Variants in ITIH2 observed in about 807,000 individuals in gnomAD.
ITIH2 encodes the protein inter-alpha-trypsin inhibitor heavy chain 2.
In ITIH2, 103 loss-of-function variants were observed where a neutral mutation model predicts 104.4. The observed-to-expected ratio is 0.99, with a 90% confidence interval of 0.84 to 1.16. The LOEUF (loss-of-function observed/expected upper bound fraction) is 1.16, where lower values mean the gene tolerates loss of function less well. Among genes scored for constraint, ITIH2 ranks in the 50% most tolerant of loss-of-function variants. The probability of loss-of-function intolerance (pLI) is 0.00; values close to 1 mark genes in which losing one functional copy is unlikely to be tolerated. For synonymous variants in ITIH2, 436 were observed against 435.4 expected (o/e 1.00, Z -0.02); for missense variants, 1,108 against 1,162.4 (o/e 0.95, Z 0.68).
intron 19 of ITIH2, among the ~76,000 whole-genome samples, chr10:7,745,284 G>A (rs1391054824): frequency 6.6e-6 from 1 of 152,146 alleles, no homozygotes; most frequent in African/African-American, 2.4e-5. Flanking sequence ...ATAACAAGCA[G>A]AACACTCTGG....
At chr10:7,723,685 G>A (rs1222213494) in intron 9 of ITIH2, 118 bp downstream of exon 9, 2 of 715,314 alleles carry the variant, frequency 2.8e-6, no homozygotes, top group African/African-American at 3.5e-5. Flanking sequence ...AGGGACTGTG[G>A]TTACAGACTG....
intron 14 of ITIH2, among the ~76,000 whole-genome samples, 163 bp downstream of exon 14, chr10:7,732,640 C>T (rs1835014806): frequency 6.6e-6 from 1 of 152,196 alleles, no homozygotes; most frequent in African/African-American, 2.4e-5. Flanking sequence ...TCAGAGAAAG[C>T]TGGGTTCACT....
Position 7,713,301 on chromosome 10 carries a change from GCA to G in ITIH2, c.467+17_467+18del. 6.3e-7 allele frequency: 1 copy of G among 1,585,890 alleles called. No individual in the cohort carries two copies. The highest frequency in any genetic ancestry group is 1.1e-5 in the South Asian group (1 of 90,162). ...GCTTGGTGAGGTAAGGCCTGAGTGA[GCA>G]AGGCTTGCCCTTGCCTCTCAATGAC... is the stretch of plus-strand genomic sequence containing the variant. On this transcript the variant is annotated intron_variant, in intron 5 of 20. Transcript: ENST00000358415.
At chr10:7,728,246 C>T (rs1234065234) in intron 11 of ITIH2, among the ~76,000 whole-genome samples, 1 of 152,178 alleles carries the variant, frequency 6.6e-6, no homozygotes, top group Non-Finnish European at 1.5e-5. Context: ...CTATTATTCT[C>T]CACACTTCTC....
intron 6 of ITIH2, among the ~76,000 whole-genome samples, chr10:7,719,418 G>A (rs556109595): frequency 6.6e-6 from 1 of 152,308 alleles, no homozygotes; most frequent in South Asian, 2.1e-4. Flanking sequence ...ATGAGTGTCA[G>A]TAACCCACAT....
Position 7,734,961 on chromosome 10 carries a change from A to C in ITIH2, c.1827A>C (p.Thr609=), listed in dbSNP as rs1835038848. The C allele has an allele frequency of 6.2e-7, 1 of 1,613,690 alleles. No individual in the cohort carries two copies. The highest frequency in any genetic ancestry group is 8.5e-7 in the Non-Finnish European group (1 of 1,179,986). Reference sequence around the variant, plus strand: ...CAGCTGCCGCCAAGAGAAGAATTACAAGATCGATCCTGCAGATGTCTCTAG... The same window carrying C: ...CAGCTGCCGCCAAGAGAAGAATTACCAGATCGATCCTGCAGATGTCTCTAG... ...APTAAAKRRI[T]RSILQMSLDH... Residue 609 remains threonine, a synonymous_variant, in exon 15 of 21, where the codon ACA becomes ACC. Transcript: ENST00000358415.
chr10:7,708,416 T>C (rs549810204), intron 3 of ITIH2, among the ~76,000 whole-genome samples: 1 of 152,216 alleles, frequency 6.6e-6, no homozygotes, highest in Non-Finnish European at 1.5e-5. Context: ...TGCATCAGAA[T>C]GCCCTGTCCA....
chr10:7,743,150 A>T lies in ITIH2; in HGVS notation c.2100A>T (p.Glu700Asp). The T allele has an allele frequency of 6.7e-7, 1 of 1,486,770 alleles. No individual in the cohort carries two copies. Among genetic ancestry groups the T allele is most frequent in the South Asian group, 1.2e-5 (1 of 80,614 alleles). 92.1% of individuals were successfully genotyped at this position (1,486,770 alleles called of 1,614,324 possible). ...TTTTCTTTGTATATTTTCCAGTTGAAAATGACCCACATTTCATCATTTATC... is the reference window on the plus strand; with the variant it reads ...TTTTCTTTGTATATTTTCCAGTTGATAATGACCCACATTTCATCATTTATC... ...STPPPHVMRV[E>D]NDPHFIIYLP... is the part of the protein sequence containing the mutation. The change falls in exon 17 of 21, where the codon GAA becomes GAT. Residue 700 changes from glutamate to aspartate, a missense_variant. Glu to Asp is a conservative substitution (Grantham distance 45). Coordinates refer to ENST00000358415, the MANE Select transcript of ITIH2 (RefSeq NM_002216.3).
intron 16 of ITIH2, among the ~76,000 whole-genome samples, chr10:7,740,647 C>G: frequency 6.6e-6 from 1 of 152,210 alleles, no homozygotes; most frequent in Admixed American, 6.5e-5. Flanking sequence ...AGTTTCTCTT[C>G]TCTGTTGTAT....
intron 19 of ITIH2, among the ~76,000 whole-genome samples, chr10:7,745,957 T>G (rs1017672946): frequency 3.3e-5 from 5 of 149,580 alleles, no homozygotes; most frequent in African/African-American, 1.2e-4. Context: ...TTTCTCCATG[T>G]TGGTCAGGCT....
chr10:7,717,588 T>G, intron 5 of ITIH2, 38 bp from the exon 6 acceptor site: 1 of 1,597,038 alleles, frequency 6.3e-7, no homozygotes, highest in Non-Finnish European at 8.6e-7. Context: ...TGCTCAATCA[T>G]GTATCTGTTG....
intron 8 of ITIH2, among the ~76,000 whole-genome samples, chr10:7,723,249 G>A (rs758449737): frequency 3.3e-5 from 5 of 152,052 alleles, no homozygotes; most frequent in Non-Finnish European, 7.4e-5. Context: ...GTGGAGTGGA[G>A]CGGAATGTTC....
intron 15 of ITIH2, among the ~76,000 whole-genome samples, chr10:7,737,622 TTATATTC>T (rs1412747916): frequency 2.5e-5 from 3 of 118,618 alleles, no homozygotes; most frequent in African/African-American, 7.4e-5. Flanking sequence ...ATATTCTATA[TTATATTC>T]TATATTCTAT....
chr10:7,726,979 T>G lies in ITIH2; in HGVS notation c.1014T>G (p.Asp338Glu). 6.2e-7 allele frequency: 1 copy of G among 1,612,756 alleles called. No homozygotes were observed. Among genetic ancestry groups the G allele is most frequent in the Non-Finnish European group, 8.5e-7 (1 of 1,179,276 alleles). Residue 338 changes from aspartate to glutamate, a missense_variant, in exon 10 of 21, where the codon GAT (aspartate) becomes GAG (glutamate). Transcript: ENST00000358415. The stretch of plus-strand genomic sequence containing the variant: ...TGGAAGCAATGAAGACCATATTGGA[T>G]GACCTCAGAGCAGAAGACCATTTCT... Reference protein sequence around the residue: ...QTVEAMKTILDDLRAEDHFSV... With the variant: ...QTVEAMKTILEDLRAEDHFSV...
At chr10:7,730,339 A>G (rs1367458993) in intron 12 of ITIH2, among the ~76,000 whole-genome samples, 1 of 152,162 alleles carries the variant, frequency 6.6e-6, no homozygotes, top group Non-Finnish European at 1.5e-5. Flanking sequence ...GTGAGGTATG[A>G]GGCAGATGGG....
intron 5 of ITIH2, among the ~76,000 whole-genome samples, chr10:7,714,163 C>CTTTTTTTTT (rs1564298974): frequency 8.0e-6 from 1 of 125,642 alleles, no homozygotes; most frequent in African/African-American, 3.3e-5. Context: ...TGCACACTCA[C>CTTTTTTTTT]TATTTTTTTT....
At chr10:7,732,100 A>G in intron 13 of ITIH2, 104 bp downstream of exon 13, 1 of 980,132 alleles carries the variant, frequency 1.0e-6, no homozygotes, top group South Asian at 1.5e-5. Context: ...GTAGAACAGA[A>G]GCAATCAGTG....
chr10:7,719,372 G>A (rs184137653), intron 6 of ITIH2, among the ~76,000 whole-genome samples: 4 of 152,322 alleles, frequency 2.6e-5, no homozygotes, highest in African/African-American at 9.6e-5. Flanking sequence ...GTACAATTAA[G>A]TGTGTTGTTG....
chr10:7,704,284 A>G (rs949849564), intron 1 of ITIH2, among the ~76,000 whole-genome samples: 3 of 152,258 alleles, frequency 2.0e-5, no homozygotes, highest in African/African-American at 7.2e-5. Context: ...ATATGACGGC[A>G]TATTTACAAA....
Sources: gnomAD v4.1 joint callset for allele counts (sites outside exome capture counted in the v4.1 genomes callset) on GRCh38, gnomAD v4.1.1 for gene constraint, MANE v1.5 for transcripts, NCBI Gene and HGNC (gene_info 2026-07-23, HGNC 2026-07-21) for gene names.